PRKAG2: variants seen among roughly 807,000 people sequenced by gnomAD.
PRKAG2 encodes protein kinase AMP-activated non-catalytic subunit gamma 2, also known as 5'-AMP-activated protein kinase subunit gamma-2.
Under a neutral mutation model 69.6 loss-of-function variants are expected in PRKAG2, and 26 were observed. The observed-to-expected ratio is 0.37, with a 90% confidence interval of 0.27 to 0.52. PRKAG2 has a LOEUF of 0.52. Ranked by LOEUF, PRKAG2 falls within the 20% of genes least tolerant of loss-of-function variation. The pLI is 0.90. For synonymous variants in PRKAG2, 293 were observed against 285.0 expected (o/e 1.03, Z -0.28); for missense variants, 557 against 740.0 (o/e 0.75, Z 2.87).
rs1229250829 is a variant in PRKAG2, at chr7:151,781,078, C to A, written c.466+74G>T. 20 of 1,594,786 alleles carry A rather than the reference C, an allele frequency of 1.3e-5. No homozygotes were observed. The highest frequency in any genetic ancestry group is 1.6e-5 in the Non-Finnish European group (19 of 1,166,280). On this transcript the variant is annotated intron_variant, in intron 3 of 15. Coordinates refer to ENST00000287878, the MANE Select transcript of PRKAG2 (RefSeq NM_016203.4). The surrounding 1 kb of genome is among the most constrained non-coding windows in gnomAD (Gnocchi z 6.1). Reference sequence around the variant, plus strand: ...CAGCCACCTGGCAGCTTCGGTGCCACCGTGGATGTGTGGCTGCAGAAGAGA... The same window carrying A: ...CAGCCACCTGGCAGCTTCGGTGCCAACGTGGATGTGTGGCTGCAGAAGAGA...
chr7:151,565,006 C>T (rs965373556), intron 13 of PRKAG2, among the ~76,000 whole-genome samples: 4 of 152,242 alleles, frequency 2.6e-5, no homozygotes, highest in African/African-American at 4.8e-5. Flanking sequence ...CATGAGTCCA[C>T]GTGTGCACTG....
chr7:151,592,572 G>C (rs1813473466), intron 6 of PRKAG2, among the ~76,000 whole-genome samples: 1 of 152,170 alleles, frequency 6.6e-6, no homozygotes, highest in Non-Finnish European at 1.5e-5. Flanking sequence ...CAGCTTCCCT[G>C]CAAGTGGCTC....
At chr7:151,838,818 A>T (rs148046412) in intron 1 of PRKAG2, among the ~76,000 whole-genome samples, 1 of 151,610 alleles carries the variant, frequency 6.6e-6, no homozygotes, top group Admixed American at 6.6e-5. Flanking sequence ...AGTTAGAGAC[A>T]AGCCTGGCCA....
chr7:151,641,930 C>T (rs934412672), intron 4 of PRKAG2, among the ~76,000 whole-genome samples: 14 of 150,006 alleles, frequency 9.3e-5, no homozygotes, highest in South Asian at 2.1e-4. Context: ...TGCAGTAGCT[C>T]GGTCTGTAAT....
chr7:151,848,991 G>C (rs966390265), intron 1 of PRKAG2, among the ~76,000 whole-genome samples: 7 of 152,244 alleles, frequency 4.6e-5, no homozygotes, highest in Non-Finnish European at 8.8e-5. Context: ...GTACGGGTTG[G>C]CTCAGGCAGG....
At chr7:151,694,324 A>C (rs1453990372) in intron 3 of PRKAG2, among the ~76,000 whole-genome samples, 2 of 152,186 alleles carry the variant, frequency 1.3e-5, no homozygotes, top group Non-Finnish European at 2.9e-5. Flanking sequence ...ACACAACCTA[A>C]AATTGACCAT....
chr7:151,643,343 A>T (rs945395696), intron 4 of PRKAG2, among the ~76,000 whole-genome samples: 1 of 152,228 alleles, frequency 6.6e-6, no homozygotes, highest in Non-Finnish European at 1.5e-5. Flanking sequence ...CAATGTACAG[A>T]ATGATATAGT....
At position 151,630,586 on chromosome 7, in the gene PRKAG2, TAAG is replaced by T. The variant is rs545465002; in HGVS notation, c.754+1480_754+1482del. Among the ~76,000 whole-genome samples, 675 of 152,354 alleles carry T rather than the reference TAAG, an allele frequency of 4.4e-3. 3 individuals carry two copies. The highest frequency in any genetic ancestry group is 0.016 in the African/African-American group (646 of 41,582). On this transcript the variant is annotated intron_variant, in intron 5 of 15. Coordinates refer to ENST00000287878, the MANE Select transcript of PRKAG2 (RefSeq NM_016203.4). ...ACTTGTCCAAGGTCACACAGCTAAA[TAAG>T]TAGTAGCGATTCCTCTCGAACAGAA...
intron 3 of PRKAG2, among the ~76,000 whole-genome samples, chr7:151,689,537 G>A (rs552393989): frequency 4.3e-4 from 66 of 152,340 alleles, no homozygotes; most frequent in South Asian, 4.1e-4. Context: ...GGAGAGCCAC[G>A]TACAGCGAAG....
At chr7:151,707,093 C>A (rs1326268886) in intron 3 of PRKAG2, among the ~76,000 whole-genome samples, 1 of 151,436 alleles carries the variant, frequency 6.6e-6, no homozygotes, top group East Asian at 2.0e-4. Flanking sequence ...TCACAGGGGA[C>A]CACAAGTCCC....
At chr7:151,833,497 C>T (rs2151878618) in intron 1 of PRKAG2, among the ~76,000 whole-genome samples, 1 of 152,250 alleles carries the variant, frequency 6.6e-6, no homozygotes, top group East Asian at 1.9e-4. Flanking sequence ...TGAGAGACAG[C>T]CCTGTGGGTG....
intron 4 of PRKAG2, among the ~76,000 whole-genome samples, chr7:151,667,370 T>C (rs1240062148): frequency 6.6e-6 from 1 of 152,220 alleles, no homozygotes; most frequent in Non-Finnish European, 1.5e-5. Context: ...CTCAGAGCTG[T>C]CAACCATCTA....
rs1386603764 is a variant in PRKAG2, at chr7:151,781,212, G to C, written c.406C>G (p.Pro136Ala). The C allele has an allele frequency of 1.9e-6, 3 of 1,613,966 alleles. No homozygotes were observed. Among genetic ancestry groups the C allele is most frequent in the Admixed American group, 1.7e-5 (1 of 60,014 alleles). Residue 136 changes from proline (P) to alanine (A), a missense_variant, in exon 3 of 16, where the codon CCC becomes GCC. Pro to Ala is a conservative substitution (Grantham distance 27). This residue lies in a region of PRKAG2 where 352 missense variants were observed against 356.7 expected (regional missense o/e 0.99). Transcript: ENST00000287878. The surrounding 1 kb of genome is among the most constrained non-coding windows in gnomAD (Gnocchi z 6.1). ...GGCGAGGTAGCAGGGTTGGAGTTGG[G>C]GGAAGACTCTTTGGAGGAGGAGCGG... ...IFRSSSKESS[P>A]NSNPATSPGG...
At chr7:151,809,738 G>T (rs945473746) in intron 1 of PRKAG2, 2 of 155,452 alleles carry the variant, frequency 1.3e-5, no homozygotes, top group Admixed American at 6.3e-5. Context: ...CTTGGGGAAT[G>T]GCAATTAAAG....
chr7:151,753,381 TA>T, intron 3 of PRKAG2, among the ~76,000 whole-genome samples: 1 of 151,924 alleles, frequency 6.6e-6, no homozygotes, highest in East Asian at 1.9e-4. Context: ...TATTTAGGGG[TA>T]AAGGGATATG....
At chr7:151,582,495 G>A (rs941599427) in intron 6 of PRKAG2, among the ~76,000 whole-genome samples, 1 of 152,160 alleles carries the variant, frequency 6.6e-6, no homozygotes, top group Non-Finnish European at 1.5e-5. Context: ...TGAAGCAGCA[G>A]TTCAATGGCA....
chr7:151,819,542 G>A (rs1374462900), intron 1 of PRKAG2, among the ~76,000 whole-genome samples: 5 of 152,142 alleles, frequency 3.3e-5, no homozygotes, highest in African/African-American at 1.2e-4. Context: ...CCCTCCCTGG[G>A]TACCTCCATC....
intron 8 of PRKAG2, 58 bp downstream of exon 8, chr7:151,574,833 C>T (rs1377148817): frequency 1.9e-6 from 3 of 1,610,664 alleles, no homozygotes; most frequent in Middle Eastern, 1.7e-4. Context: ...CATATACCTA[C>T]ACACATACAT....
intron 15 of PRKAG2, chr7:151,558,632 C>T (rs1321173105): frequency 1.0e-6 from 1 of 971,390 alleles, no homozygotes; most frequent in Non-Finnish European, 1.2e-6. Flanking sequence ...ACTTGTAATC[C>T]AGTTATTAGT....
Sources: gnomAD v4.1 joint callset for allele counts (sites outside exome capture counted in the v4.1 genomes callset) on GRCh38, gnomAD v4.1.1 for gene constraint, gnomAD v4.1.1 regional missense constraint, Gnocchi (gnomAD v3.1) non-coding constraint, MANE v1.5 for transcripts, NCBI Gene and HGNC (gene_info 2026-07-23, HGNC 2026-07-21) for gene names.